EYA1: variants seen among roughly 807,000 people sequenced by gnomAD.
The protein encoded by EYA1 is protein phosphatase EYA1.
EYA1 carries 16 observed loss-of-function variants against 82.0 expected under a neutral mutation model. That is an observed-to-expected ratio of 0.20 (90% CI 0.13 to 0.30). EYA1 has a LOEUF of 0.30. Ranked by LOEUF, EYA1 falls within the 10% of genes least tolerant of loss-of-function variation. The probability of loss-of-function intolerance (pLI) is 1.00; values close to 1 mark genes in which losing one functional copy is unlikely to be tolerated. For missense variants in EYA1, 633 were observed against 730.7 expected (o/e 0.87, Z 1.54); for synonymous variants, 261 against 264.4 (o/e 0.99, Z 0.12).
chr8:71,431,749 C>G (rs1473936480), intron 2 of EYA1, among the ~76,000 whole-genome samples: 2 of 152,148 alleles, frequency 1.3e-5, no homozygotes, highest in Non-Finnish European at 2.9e-5. Flanking sequence ...ACAGGGCATC[C>G]TCTTTACACA....
chr8:71,406,631 G>A (rs529839185), intron 2 of EYA1, among the ~76,000 whole-genome samples: 4 of 152,342 alleles, frequency 2.6e-5, no homozygotes, highest in Admixed American at 6.5e-5. Context: ...CTGGAAAATC[G>A]GGTCACTCTC....
At chr8:71,458,744 G>C (rs1808146775) in intron 2 of EYA1, among the ~76,000 whole-genome samples, 2 of 152,138 alleles carry the variant, frequency 1.3e-5, no homozygotes. Flanking sequence ...GGTAGATCAG[G>C]CTTACAGGAA....
intron 4 of EYA1, among the ~76,000 whole-genome samples, chr8:71,327,853 CTTTTT>C (rs71555578): frequency 1.8e-5 from 2 of 110,200 alleles, no homozygotes; most frequent in African/African-American, 3.5e-5. Flanking sequence ...TCTTTAAGTT[CTTTTT>C]TTTTTTTTTT....
At chr8:71,404,362 A>G (rs896545923) in intron 2 of EYA1, 1 of 152,224 alleles carries the variant, frequency 6.6e-6, no homozygotes, top group African/African-American at 2.4e-5. Flanking sequence ...ATGGCTTGCT[A>G]CTAAGATTTT....
chr8:71,325,910 CT>C (rs1428823971), intron 4 of EYA1, among the ~76,000 whole-genome samples: 20 of 152,178 alleles, frequency 1.3e-4, no homozygotes, highest in African/African-American at 4.6e-4. Context: ...TTTAAACTTT[CT>C]AAACAGTAAC....
At chr8:71,245,711 A>G (rs1229870468) in intron 11 of EYA1, among the ~76,000 whole-genome samples, 2 of 152,140 alleles carry the variant, frequency 1.3e-5, no homozygotes, top group African/African-American at 4.8e-5. Context: ...ATAACTCTCT[A>G]TCATTATTTG....
At chr8:71,213,563 A>T (rs553056993) in intron 16 of EYA1, among the ~76,000 whole-genome samples, 15 of 152,194 alleles carry the variant, frequency 9.9e-5, no homozygotes, top group Non-Finnish European at 1.9e-4. Flanking sequence ...ACTCTATTTG[A>T]TATATTTCTT....
intron 7 of EYA1, among the ~76,000 whole-genome samples, chr8:71,313,957 T>G (rs925360891): frequency 3.3e-5 from 5 of 152,210 alleles, no homozygotes; most frequent in African/African-American, 9.6e-5. Flanking sequence ...ATATTAAATT[T>G]GAACAGGTAA....
Position 71,455,130 on chromosome 8 carries a change from T to G in EYA1, c.33+80614A>C, listed in dbSNP as rs192734157. 1.7e-3 allele frequency among the ~76,000 whole-genome samples: 265 copies of G among 152,212 alleles called. 1 individual carries two copies. The highest frequency in any genetic ancestry group is 3.7e-3 in the South Asian group (18 of 4,822). On this transcript the variant is annotated intron_variant, in intron 2 of 18. Coordinates refer to the EYA1 transcript ENST00000643681. ...ACCATAAGAGAATACTATAAATACC[T>G]CTACACAAATAAACTAGAAAATCTA...
At chr8:71,232,730 A>C (rs1217343566) in intron 12 of EYA1, among the ~76,000 whole-genome samples, 4 of 151,358 alleles carry the variant, frequency 2.6e-5, no homozygotes, top group African/African-American at 9.7e-5. Flanking sequence ...GGAATTCTAC[A>C]AGAGAATTTG....
intron 2 of EYA1, among the ~76,000 whole-genome samples, chr8:71,492,404 G>C (rs1284911347): frequency 6.6e-6 from 1 of 152,050 alleles, no homozygotes; most frequent in Non-Finnish European, 1.5e-5. Context: ...GGTAAGAATT[G>C]TCTGTCTTTG....
intron 2 of EYA1, among the ~76,000 whole-genome samples, chr8:71,457,257 A>T (rs1808010511): frequency 6.6e-6 from 1 of 152,304 alleles, no homozygotes; most frequent in South Asian, 2.1e-4. Context: ...AAAGTCAGGA[A>T]ACAACAGATG....
At chr8:71,263,847 G>A (rs1201870284) in intron 11 of EYA1, among the ~76,000 whole-genome samples, 1 of 152,154 alleles carries the variant, frequency 6.6e-6, no homozygotes, top group Admixed American at 6.5e-5. Context: ...TTTGACCTAT[G>A]GGGTATGGTC....
At chr8:71,421,881 G>A (rs761418372) in intron 2 of EYA1, among the ~76,000 whole-genome samples, 23 of 152,198 alleles carry the variant, frequency 1.5e-4, no homozygotes, top group Non-Finnish European at 3.1e-4. Flanking sequence ...GTATACATGT[G>A]TGCAAAGGGA....
At chr8:71,399,086 C>T (rs1361544541) in intron 2 of EYA1, among the ~76,000 whole-genome samples, 1 of 152,228 alleles carries the variant, frequency 6.6e-6, no homozygotes, top group Non-Finnish European at 1.5e-5. Context: ...GCGTGGGACC[C>T]TCCAAGCCAT....
chr8:71,199,524 T>C lies in EYA1; in HGVS notation c.1699-104A>G. 4 of 739,206 alleles carry C rather than the reference T, an allele frequency of 5.4e-6. 1 individual carries two copies. Among genetic ancestry groups the C allele is most frequent in the Non-Finnish European group, 9.6e-6 (4 of 415,954 alleles). The allele number at this position is 739,206 out of a possible 1,614,324, so 45.8% of individuals were successfully genotyped here. ...ATGCTGACCCCCATTTTCAGTATCA[T>C]TGAAATGCCAGCTAACATCTTAACA... On this transcript the variant is annotated intron_variant, in intron 17 of 17. Coordinates refer to ENST00000340726, the MANE Select transcript of EYA1 (RefSeq NM_000503.6).
At chr8:71,383,675 T>C (rs1241132523) in intron 2 of EYA1, among the ~76,000 whole-genome samples, 5 of 152,122 alleles carry the variant, frequency 3.3e-5, no homozygotes, top group Non-Finnish European at 5.9e-5. Flanking sequence ...GATATAGATA[T>C]GTAGTGAGAA....
intron 2 of EYA1, among the ~76,000 whole-genome samples, chr8:71,418,876 T>G (rs1035756743): frequency 8.6e-5 from 13 of 152,024 alleles, no homozygotes; most frequent in African/African-American, 2.9e-4. Flanking sequence ...TAAGATGACA[T>G]TTGGATGGGG....
intron 11 of EYA1, among the ~76,000 whole-genome samples, chr8:71,264,579 ATTT>A (rs35415877): frequency 2.1e-5 from 3 of 142,402 alleles, no homozygotes; most frequent in African/African-American, 2.6e-5. Context: ...GAGCAATTCA[ATTT>A]TTTTTTTTTT....
Sources: gnomAD v4.1 joint callset for allele counts (sites outside exome capture counted in the v4.1 genomes callset) on GRCh38, gnomAD v4.1.1 for gene constraint, MANE v1.5 for transcripts, NCBI Gene and HGNC (gene_info 2026-07-23, HGNC 2026-07-21) for gene names.